The following PPP1R10 variants were observed in gnomAD, a reference collection of about 807,000 sequenced individuals.
The protein encoded by PPP1R10 is protein phosphatase 1 regulatory subunit 10.
A neutral mutation model predicts 99.0 loss-of-function variants in PPP1R10; 15 were observed. The ratio of observed to expected loss-of-function variants is 0.15; its 90% CI spans 0.10 to 0.23. The LOEUF (loss-of-function observed/expected upper bound fraction) is 0.23, where lower values mean the gene tolerates loss of function less well. Ranked by LOEUF, PPP1R10 falls within the 10% of genes least tolerant of loss-of-function variation. The pLI, the probability that PPP1R10 is intolerant of heterozygous loss-of-function variation, is 1.00. For synonymous variants in PPP1R10, 430 were observed against 449.5 expected (o/e 0.96, Z 0.55); for missense variants, 947 against 1,259.4 (o/e 0.75, Z 3.75).
chr6:30,608,627 T>C (rs1453150138), intron 5 of PPP1R10, 152 bp downstream of exon 5: 3 of 1,075,206 alleles, frequency 2.8e-6, no homozygotes, highest in Non-Finnish European at 3.9e-6. Flanking sequence ...AGGAGATAAA[T>C]TCAAACCAAG....
chr6:30,614,224 A>G (rs1804846530), intron 2 of PPP1R10, among the ~76,000 whole-genome samples: 1 of 151,900 alleles, frequency 6.6e-6, no homozygotes, highest in Non-Finnish European at 1.5e-5. Context: ...AGAGGACATC[A>G]TTTTTTCATT....
intron 17 of PPP1R10, 103 bp downstream of exon 17, chr6:30,603,107 G>A: frequency 1.4e-6 from 2 of 1,465,428 alleles, no homozygotes; most frequent in South Asian, 1.2e-5. Flanking sequence ...TTCTTGCCTA[G>A]TGGCCACAGC....
At position 30,602,575 on chromosome 6, in the gene PPP1R10, T is replaced by C. The variant is rs1169891547; in HGVS notation, c.2074A>G (p.Met692Val). The C allele has an allele frequency of 3.2e-6, 5 of 1,565,784 alleles. No homozygotes were observed. The highest frequency in any genetic ancestry group is 1.4e-5 in the African/African-American group (1 of 72,624). The change falls in exon 19 of 20, where the codon ATG becomes GTG. Residue 692 changes from methionine to valine, a missense_variant. By Grantham distance (21) the Met-to-Val change is conservative. Around this residue, in one of 10 missense-constraint regions of PPP1R10, gnomAD observed 525 missense variants for 578.8 expected, o/e 0.91. Transcript: ENST00000376511. The surrounding 1 kb of genome is among the most constrained non-coding windows in gnomAD (Gnocchi z 6.7). ...GPGDPMRGGP[M>V]RGGPGPGPGP... Reference sequence around the variant, plus strand: ...GGACCTGGTCCTGGACCCCCCCGCATTGGGCCACCCCGCATAGGGTCGCCC... The same window carrying C: ...GGACCTGGTCCTGGACCCCCCCGCACTGGGCCACCCCGCATAGGGTCGCCC...
chr6:30,606,824 C>A lies in PPP1R10; in HGVS notation c.415G>T (p.Asp139Tyr). 1 of 1,614,030 alleles carries A rather than the reference C, an allele frequency of 6.2e-7. No homozygotes were observed. The highest frequency in any genetic ancestry group is 8.5e-7 in the Non-Finnish European group (1 of 1,180,014). Reference protein sequence around the residue: ...LRKLASVLVSDWMAVIRSQSS... With the variant: ...LRKLASVLVSYWMAVIRSQSS... ...TGAGAGCGGATGACAGCCATCCAGT[C>A]GCTGACAAGGACTGAGGCCAATTTC... Residue 139 changes from aspartate to tyrosine, a missense_variant, in exon 7 of 20, where the codon GAC (aspartate) becomes TAC (tyrosine). By Grantham distance (160) the Asp-to-Tyr change is radical. This residue lies in a region of PPP1R10 where 92 missense variants were observed against 159.2 expected (regional missense o/e 0.58). Coordinates refer to ENST00000376511, the MANE Select transcript of PPP1R10 (RefSeq NM_002714.4). The surrounding 1 kb of genome is among the most constrained non-coding windows in gnomAD (Gnocchi z 6.3).
intron 6 of PPP1R10, 42 bp downstream of exon 6, chr6:30,607,798 T>C (rs745494881): frequency 6.4e-7 from 1 of 1,574,464 alleles, no homozygotes; most frequent in South Asian, 1.1e-5. Context: ...TAAGTGGAAG[T>C]AATAGAGAAA....
chr6:30,609,832 A>C lies in PPP1R10; in HGVS notation c.107+6T>G. 3.1e-6 allele frequency: 5 copies of C among 1,607,508 alleles called. No homozygotes were observed. Among genetic ancestry groups the C allele is most frequent in the Non-Finnish European group, 4.3e-6 (5 of 1,174,134 alleles). ...ACAGTGAATACAAAAAGGGGTAAAG[A>C]CTCACCTGAAGATCTTGGAAATCCC... is the stretch of plus-strand genomic sequence containing the variant. On this transcript the variant is annotated splice_donor_region_variant and intron_variant, in intron 3 of 19. Transcript: ENST00000376511. This position sits in a 1 kb window ranked among gnomAD's most constrained non-coding sequence, Gnocchi z 4.5.
chr6:30,605,541 G>A (rs1222499282), intron 10 of PPP1R10, among the ~76,000 whole-genome samples: 4 of 152,078 alleles, frequency 2.6e-5, no homozygotes, highest in Admixed American at 6.5e-5. Context: ...AAAACTTCTC[G>A]TTCCCAGGGA....
At chr6:30,614,992 GGGGTGGAGCTTCAAGA>G (rs1760307062) in intron 2 of PPP1R10, among the ~76,000 whole-genome samples, 1 of 152,166 alleles carries the variant, frequency 6.6e-6, no homozygotes, top group South Asian at 2.1e-4. Context: ...CATCTGCTCA[GGGGTGGAGCTTCAAGA>G]GGGTGGAGAG....
At position 30,602,039 on chromosome 6, in the gene PPP1R10, A is replaced by G; in HGVS notation, c.2610T>C (p.His870=). The G allele has an allele frequency of 6.4e-7, 1 of 1,552,526 alleles. No individual in the cohort carries two copies. Among genetic ancestry groups the G allele is most frequent in the Non-Finnish European group, 8.7e-7 (1 of 1,145,820 alleles). Residue 870 remains histidine (H), a synonymous_variant, in exon 19 of 20, where the codon CAT becomes CAC. Transcript: ENST00000376511. This position sits in a 1 kb window ranked among gnomAD's most constrained non-coding sequence, Gnocchi z 6.7. ...CATGAGGTGGCGGCCCTCGATGGTC[A>G]TGGCCTCGGTGACCAGGGACATCAT... ...RPHDVPGHRG[H]DHRGPPPHEH...
In PPP1R10 at chr6:30,607,003, T is replaced by G. The variant is rs1804020782; in HGVS notation, c.383-147A>C. 4.2e-6 allele frequency: 3 copies of G among 713,626 alleles called. No homozygotes were observed. In the African/African-American group the frequency reaches 5.4e-5, roughly 13 times the overall value. 44.2% of individuals were successfully genotyped at this position (713,626 alleles called of 1,614,324 possible). On this transcript the variant is annotated intron_variant, in intron 6 of 19. Coordinates refer to ENST00000376511, the MANE Select transcript of PPP1R10 (RefSeq NM_002714.4). ...TTTTAAGAAGAACATGAGATATGCT[T>G]AAAAACCAAACCCTTAAAAAATGGA...
intron 2 of PPP1R10, among the ~76,000 whole-genome samples, chr6:30,615,114 G>A (rs1227753357): frequency 1.3e-5 from 2 of 151,796 alleles, no homozygotes; most frequent in African/African-American, 4.8e-5. Context: ...GCAAAAGGGG[G>A]AGAAAAACAA....
intron 2 of PPP1R10, among the ~76,000 whole-genome samples, chr6:30,615,465 G>C (rs190888107): frequency 6.6e-6 from 1 of 152,152 alleles, no homozygotes; most frequent in East Asian, 1.9e-4. Context: ...AACAAATAGG[G>C]TTGAGGTGGG....
chr6:30,609,181 G>C lies in PPP1R10; in HGVS notation c.108-18C>G, dbSNP rs760654187. On this transcript the variant is annotated intron_variant, in intron 3 of 19. Transcript: ENST00000376511. The surrounding 1 kb of genome is among the most constrained non-coding windows in gnomAD (Gnocchi z 4.5). ...TCATCAAACTGCAGAAGATGAGTTA[G>C]GGTTAGAAATGAAGCAGCCAGTATC... 6.2e-7 allele frequency: 1 copy of C among 1,612,252 alleles called. No homozygotes were observed. The highest frequency in any genetic ancestry group is 8.5e-7 in the Non-Finnish European group (1 of 1,179,320).
rs115448478 is a variant in PPP1R10 at position 30,603,997 on chromosome 6, A to C, written c.1508+11T>G. On this transcript the variant is annotated intron_variant, in intron 14 of 19. Coordinates refer to ENST00000376511, the MANE Select transcript of PPP1R10 (RefSeq NM_002714.4). ...CTCAACATCCCAGGGCACGAACCCC[A>C]CTCTGCTCACCTCTCCTTGTTCAGG... The C allele has an allele frequency of 4.0e-4, 631 of 1,573,860 alleles. 5 individuals carry two copies. In the African/African-American group the frequency reaches 6.0e-3, roughly 15 times the overall value.
intron 16 of PPP1R10, 92 bp downstream of exon 16, chr6:30,603,380 G>A: frequency 6.3e-7 from 1 of 1,576,910 alleles, no homozygotes; most frequent in Non-Finnish European, 8.7e-7. Flanking sequence ...GGGTAGATGT[G>A]GAGAACTGGG....
intron 2 of PPP1R10, among the ~76,000 whole-genome samples, chr6:30,615,139 C>T (rs1222024104): frequency 6.6e-6 from 1 of 150,986 alleles, no homozygotes; most frequent in African/African-American, 2.4e-5. Flanking sequence ...GACGGAGGGA[C>T]GCCATTTTGT....
At chr6:30,611,448 C>T (rs1179543363) in intron 2 of PPP1R10, among the ~76,000 whole-genome samples, 1 of 152,186 alleles carries the variant, frequency 6.6e-6, no homozygotes, top group African/African-American at 2.4e-5. Flanking sequence ...ACAGAAGTAA[C>T]AGACACAATC....
In PPP1R10 at chr6:30,600,880, G is replaced by A. The variant is rs1022548041; in HGVS notation, c.*669C>T. 5 of 152,692 alleles carry A rather than the reference G, an allele frequency of 3.3e-5. No individual in the cohort carries two copies. Among genetic ancestry groups the A allele is most frequent in the African/African-American group, 1.2e-4 (5 of 41,438 alleles). The allele number at this position is 152,692 out of a possible 1,614,324, so 9.5% of individuals were successfully genotyped here. ...ACCTCTGCCAGCTAAAACTTGCACC[G>A]GATGCAGATACGAGTTCGCCATCAT... On this transcript the variant is annotated 3_prime_UTR_variant, in exon 20 of 20. Coordinates refer to ENST00000376511, the MANE Select transcript of PPP1R10 (RefSeq NM_002714.4).
In PPP1R10 at chr6:30,601,160, G is replaced by A; in HGVS notation, c.*389C>T. 1 of 212,216 alleles carries A rather than the reference G, an allele frequency of 4.7e-6. No homozygotes were observed. The highest frequency in any genetic ancestry group is 1.1e-4 in the East Asian group (1 of 9,348). 13.1% of individuals were successfully genotyped at this position (212,216 alleles called of 1,614,324 possible). On this transcript the variant is annotated 3_prime_UTR_variant, in exon 20 of 20. Coordinates refer to ENST00000376511, the MANE Select transcript of PPP1R10 (RefSeq NM_002714.4). ...TAAGTGCAGCTGATCCTGTGTCAGA[G>A]TTCTGTGTGCATGTGGGGACCCGCA...
Sources: gnomAD v4.1 joint callset for allele counts (sites outside exome capture counted in the v4.1 genomes callset) on GRCh38, gnomAD v4.1.1 for gene constraint, gnomAD v4.1.1 regional missense constraint, Gnocchi (gnomAD v3.1) non-coding constraint, MANE v1.5 for transcripts, NCBI Gene and HGNC (gene_info 2026-07-23, HGNC 2026-07-21) for gene names.